Variants in SPATS2 observed in about 807,000 individuals in gnomAD.
SPATS2 encodes spermatogenesis associated serine rich 2.
Under a neutral mutation model 63.7 loss-of-function variants are expected in SPATS2, and 38 were observed. That is an observed-to-expected ratio of 0.60 (90% CI 0.46 to 0.78). The LOEUF is 0.78. Among genes scored for constraint, SPATS2 ranks in the 30% least tolerant of loss-of-function variants. The pLI is 0.00. For missense variants in SPATS2, 588 were observed against 666.2 expected, an observed-to-expected ratio of 0.88 and a Z score of 1.29; for synonymous variants, 207 against 232.9, an observed-to-expected ratio of 0.89 and a Z score of 1.01.
intron 7 of SPATS2, 138 bp downstream of exon 7, chr12:49,495,140 TTTG>T: frequency 3.4e-6 from 3 of 882,554 alleles, no homozygotes; most frequent in Non-Finnish European, 4.7e-6. Flanking sequence ...CTTTTTAGTT[TTTG>T]TTACTTTTTG....
rs11169044 is a variant in SPATS2, at chr12:49,486,415, G to A, written c.105+1746G>A. On this transcript the variant is annotated intron_variant, in intron 4 of 13. Coordinates refer to ENST00000552918, the MANE Select transcript of SPATS2 (RefSeq NM_023071.4). ...AGAGAGGGTGTCACCATGTTAGCCA[G>A]GATGGTCTCAATCTCCTGCGTGATC... 2.1e-4 allele frequency: 64 copies of A among 299,674 alleles called. No homozygotes were observed. In the Middle Eastern group the frequency reaches 3.7e-3, roughly 17 times the overall value. The allele number at this position is 299,674 out of a possible 1,614,324, so 18.6% of individuals were successfully genotyped here. A position where few individuals can be genotyped will look rare whatever the true frequency, so the allele number is the denominator to read the frequency against.
intron 2 of SPATS2, among the ~76,000 whole-genome samples, chr12:49,436,868 C>T (rs1450562052): frequency 1.4e-5 from 2 of 144,122 alleles, no homozygotes; most frequent in Non-Finnish European, 3.1e-5. Flanking sequence ...GGGCTGACCC[C>T]CCCACCTCCC....
At chr12:49,405,499 A>G (rs937359986) in intron 2 of SPATS2, among the ~76,000 whole-genome samples, 1 of 152,264 alleles carries the variant, frequency 6.6e-6, no homozygotes, top group South Asian at 2.1e-4. Context: ...GGAGTTTAAA[A>G]CACAGCCTGG....
intron 11 of SPATS2, among the ~76,000 whole-genome samples, 161 bp from the exon 12 acceptor site, chr12:49,522,590 A>C (rs74089551): frequency 0.084 from 12,792 of 152,258 alleles, 617 homozygotes; most frequent in African/African-American, 0.13. Context: ...AAAATGAATG[A>C]ATTTATTCGA....
At chr12:49,422,302 C>T (rs1944997213) in intron 2 of SPATS2, among the ~76,000 whole-genome samples, 2 of 152,280 alleles carry the variant, frequency 1.3e-5, no homozygotes, top group African/African-American at 2.4e-5. Flanking sequence ...ATAAGTACTT[C>T]ACAGAATTAC....
chr12:49,485,757 CTTTTTTTTTT>C (rs1304633706), intron 4 of SPATS2, among the ~76,000 whole-genome samples: 1 of 128,940 alleles, frequency 7.8e-6, no homozygotes. Flanking sequence ...TATGGGCTCT[CTTTTTTTTTT>C]TTTTTTTTTT....
At chr12:49,393,849 T>C (rs1944461402) in intron 2 of SPATS2, among the ~76,000 whole-genome samples, 1 of 152,152 alleles carries the variant, frequency 6.6e-6, no homozygotes. Context: ...GCTATTTTTA[T>C]GTTTATTTTT....
At position 49,519,062 on chromosome 12, in the gene SPATS2, T is replaced by A. The variant is rs1946895170; in HGVS notation, c.899-11T>A. ...AGCAACATAAGGTTCACACTCACTT[T>A]TCCTCTACAGTGGAAATTTTGCTCA... is the stretch of plus-strand genomic sequence containing the variant. On this transcript the variant is annotated splice_polypyrimidine_tract_variant and intron_variant, in intron 10 of 13. Transcript: ENST00000552918. 6.2e-7 allele frequency: 1 copy of A among 1,610,386 alleles called. No homozygotes were observed. Among genetic ancestry groups the A allele is most frequent in the Non-Finnish European group, 8.5e-7 (1 of 1,177,248 alleles).
chr12:49,451,677 C>T (rs1399349189), intron 2 of SPATS2, among the ~76,000 whole-genome samples: 6 of 152,126 alleles, frequency 3.9e-5, no homozygotes, highest in East Asian at 1.9e-4. Flanking sequence ...AAAATACATA[C>T]GTTATATGTA....
chr12:49,504,162 G>A (rs370427399), intron 9 of SPATS2, among the ~76,000 whole-genome samples: 287 of 152,206 alleles, frequency 1.9e-3, no homozygotes, highest in African/African-American at 6.3e-3. Flanking sequence ...ATAAAAAAAA[G>A]GCAAAGAGTT....
chr12:49,492,562 A>G (rs1592453408), intron 6 of SPATS2, among the ~76,000 whole-genome samples: 1 of 152,276 alleles, frequency 6.6e-6, no homozygotes, highest in African/African-American at 2.4e-5. Context: ...ATTATAAGTT[A>G]CTAGTGATAT....
rs775968835 is a variant in SPATS2 at position 49,496,970 on chromosome 12, G to A, written c.664G>A (p.Gly222Arg). 3 of 1,596,696 alleles carry A rather than the reference G, an allele frequency of 1.9e-6. No homozygotes were observed. The highest frequency in any genetic ancestry group is 1.1e-5 in the South Asian group (1 of 88,478). Residue 222 changes from glycine (G) to arginine (R), a missense_variant, in exon 8 of 14, where the codon GGG becomes AGG. Transcript: ENST00000552918. Reference protein sequence around the residue: ...PTTETQFSNMGMEDVPLATSK... With the variant: ...PTTETQFSNMRMEDVPLATSK... ...CACAGAAACTCAGTTTTCAAATATG[G>A]GGATGGAAGATGTTCCCCTCGCCAC...
At chr12:49,406,109 C>A (rs958892793) in intron 2 of SPATS2, among the ~76,000 whole-genome samples, 5 of 151,952 alleles carry the variant, frequency 3.3e-5, no homozygotes, top group Non-Finnish European at 4.4e-5. Flanking sequence ...ACTAAAAATA[C>A]AAAAATTAGC....
intron 9 of SPATS2, among the ~76,000 whole-genome samples, chr12:49,504,744 T>C (rs2137977355): frequency 6.6e-6 from 1 of 150,468 alleles, no homozygotes; most frequent in East Asian, 1.9e-4. Context: ...GTTTTTTTTT[T>C]TCCTGTTTCT....
rs773456601 is a variant in SPATS2 at position 49,524,832 on chromosome 12, C to T, written c.1262C>T (p.Ala421Val). 2.5e-6 allele frequency: 4 copies of T among 1,614,090 alleles called. No homozygotes were observed. The South Asian group carries it at 3.3e-5, about 13-fold the overall frequency. Residue 421 changes from alanine to valine, a missense_variant, in exon 13 of 14, where the codon GCA becomes GTA. Transcript: ENST00000552918. ...ACAAGTGCTAACAAGAAAAACTTTGCACCGGGAGAGACTCCTGCAGCCATA... is the reference window on the plus strand; with the variant it reads ...ACAAGTGCTAACAAGAAAAACTTTGTACCGGGAGAGACTCCTGCAGCCATA... ...SLTSANKKNF[A>V]PGETPAAIAN...
intron 9 of SPATS2, among the ~76,000 whole-genome samples, chr12:49,509,099 G>C (rs1471974124): frequency 6.6e-6 from 1 of 151,700 alleles, no homozygotes; most frequent in African/African-American, 2.4e-5. Flanking sequence ...TAGCAATACA[G>C]ATTGTTACTG....
At chr12:49,387,105 A>C (rs1944330409) in intron 2 of SPATS2, 2 of 152,182 alleles carry the variant, frequency 1.3e-5, no homozygotes, top group Non-Finnish European at 2.9e-5. Context: ...CAAAGAGGAC[A>C]CTTACTCACC....
chr12:49,519,647 C>T (rs750293684), intron 11 of SPATS2, among the ~76,000 whole-genome samples: 1 of 144,042 alleles, frequency 6.9e-6, no homozygotes, highest in African/African-American at 2.5e-5. Flanking sequence ...ATCCTTAATC[C>T]GGTCTGAAGG....
upstream of SPATS2, chr12:49,367,455 G>A: frequency 2.5e-6 from 1 of 401,128 alleles, no homozygotes; most frequent in Non-Finnish European, 4.4e-6. Context: ...TGGGGGAGGA[G>A]CGCGGCGGCG....
Sources: allele counts gnomAD v4.1 joint callset (sites outside exome capture counted in the v4.1 genomes callset), GRCh38; gene constraint gnomAD v4.1.1; transcripts MANE v1.5; gene names NCBI Gene and HGNC (gene_info 2026-07-23, HGNC 2026-07-21).